CFAP161: variants seen among roughly 807,000 people sequenced by gnomAD.
CFAP161 encodes the protein cilia- and flagella-associated protein 161.
Under a neutral mutation model 29.0 loss-of-function variants are expected in CFAP161, and 25 were observed. The ratio of observed to expected loss-of-function variants is 0.86; its 90% CI spans 0.63 to 1.20. The LOEUF is 1.20. Among genes scored for constraint, CFAP161 ranks in the 50% most tolerant of loss-of-function variants. The pLI is 0.00. For missense variants in CFAP161, 367 were observed against 371.9 expected, an observed-to-expected ratio of 0.99 and a Z score of 0.11; for synonymous variants, 116 against 137.4, an observed-to-expected ratio of 0.84 and a Z score of 1.09.
rs146133797 is a variant in CFAP161, at chr15:81,106,882, A to G, written c.-141-20708A>G. Reference sequence around the variant, plus strand: ...GGAGTTCAAGACCAGCTTGAGCTACATAGCAAGACCCCATTTCTACAAAAT... The same window carrying G: ...GGAGTTCAAGACCAGCTTGAGCTACGTAGCAAGACCCCATTTCTACAAAAT... On this transcript the variant is annotated intron_variant, in intron 1 of 4. Coordinates refer to the CFAP161 transcript ENST00000560091. Among the ~76,000 whole-genome samples the G allele has an allele frequency of 5.2e-3, 792 of 152,230 alleles. 5 individuals are homozygous for G. Among genetic ancestry groups the G allele is most frequent in the African/African-American group, 0.018 (752 of 41,546 alleles).
At chr15:81,147,769 C>T in intron 5 of CFAP161, 89 bp from the exon 6 acceptor site, 18 of 784,424 alleles carry the variant, frequency 2.3e-5, no homozygotes, top group Admixed American at 3.0e-5. Context: ...TAGTATAATC[C>T]CAAATTTTTG....
exon 2 of CFAP161, chr15:81,127,615 A>G (rs1317850261): frequency 4.2e-5 from 6 of 144,272 alleles, no homozygotes; most frequent in African/African-American, 1.3e-4. Context: ...TCAGATCCCA[A>G]ATAGTATTTA....
chr15:81,103,165 A>G (rs1894322865), intron 1 of CFAP161, among the ~76,000 whole-genome samples: 1 of 152,216 alleles, frequency 6.6e-6, no homozygotes, highest in Non-Finnish European at 1.5e-5. Flanking sequence ...GTATTAACTC[A>G]TTAACTCATT....
chr15:81,123,844 G>A (rs115773523), intron 1 of CFAP161, among the ~76,000 whole-genome samples: 1,680 of 152,234 alleles, frequency 0.011, 31 homozygotes, highest in African/African-American at 0.038. Context: ...CAGGTTGACT[G>A]TTGTTGGTAT....
intron 5 of CFAP161, among the ~76,000 whole-genome samples, chr15:81,144,674 C>G (rs1339858894): frequency 6.6e-6 from 1 of 151,408 alleles, no homozygotes. Context: ...GTAGTCCCAG[C>G]TACTAGAGAG....
At chr15:81,100,058 C>G (rs574815276) in intron 1 of CFAP161, among the ~76,000 whole-genome samples, 13 of 151,950 alleles carry the variant, frequency 8.6e-5, no homozygotes, top group African/African-American at 2.4e-4. Flanking sequence ...TTTGCAAACA[C>G]TCAATAAGTG....
intron 1 of CFAP161, among the ~76,000 whole-genome samples, chr15:81,107,684 C>T (rs1448608870): frequency 2.6e-5 from 4 of 152,150 alleles, no homozygotes; most frequent in Non-Finnish European, 5.9e-5. Context: ...GAGATCATGC[C>T]ATTGCACTCC....
chr15:81,136,462 G>A, intron 2 of CFAP161, 54 bp from the exon 3 acceptor site: 1 of 1,525,662 alleles, frequency 6.6e-7, no homozygotes, highest in Non-Finnish European at 9.1e-7. Context: ...TGCCTTGGCA[G>A]TAACTGTTGA....
chr15:81,102,165 T>G (rs1429946813), intron 1 of CFAP161, among the ~76,000 whole-genome samples: 3 of 152,162 alleles, frequency 2.0e-5, no homozygotes. Context: ...AAATAGCAAT[T>G]GTGCTCAGAA....
chr15:81,121,305 C>T (rs1894569739), intron 1 of CFAP161, among the ~76,000 whole-genome samples: 1 of 152,040 alleles, frequency 6.6e-6, no homozygotes, highest in African/African-American at 2.4e-5. Flanking sequence ...TTTTCTTTTT[C>T]ATGTTCTTTA....
chr15:81,148,416 C>T lies in CFAP161; in HGVS notation c.789C>T (p.His263=). Residue 263 remains histidine (H), a synonymous_variant, in exon 7 of 7, where the codon CAC becomes CAT. Coordinates refer to ENST00000286732, the MANE Select transcript of CFAP161 (RefSeq NM_173528.4). Reference sequence around the variant, plus strand: ...ATAGAGTTGAGAAACCAAGGAACCACTGGATGTTGGTTACTGGGAATCCCA... The same window carrying T: ...ATAGAGTTGAGAAACCAAGGAACCATTGGATGTTGGTTACTGGGAATCCCA... ...DSHRVEKPRN[H]WMLVTGNPRD... 1 of 1,614,154 alleles carries T rather than the reference C, an allele frequency of 6.2e-7. No individual in the cohort carries two copies. Among genetic ancestry groups the T allele is most frequent in the Non-Finnish European group, 8.5e-7 (1 of 1,179,984 alleles).
chr15:81,127,541 G>A (rs1310839496), intron 1 of CFAP161: 3 of 152,106 alleles, frequency 2.0e-5, no homozygotes, highest in African/African-American at 7.2e-5. Flanking sequence ...AAGGCAAAAA[G>A]TCTTTTTTCA....
chr15:81,101,224 C>T (rs1894299574), intron 1 of CFAP161, among the ~76,000 whole-genome samples: 4 of 151,892 alleles, frequency 2.6e-5, no homozygotes, highest in African/African-American at 9.7e-5. Context: ...AAATATTTAC[C>T]CTTTGTTAAA....
chr15:81,113,191 T>G (rs527862013), intron 1 of CFAP161, among the ~76,000 whole-genome samples: 1 of 152,320 alleles, frequency 6.6e-6, no homozygotes, highest in African/African-American at 2.4e-5. Flanking sequence ...TAAGATTCAT[T>G]TGGGGAGTCA....
chr15:81,113,151 T>C (rs1894458865), intron 1 of CFAP161, among the ~76,000 whole-genome samples: 1 of 152,236 alleles, frequency 6.6e-6, no homozygotes, highest in South Asian at 2.1e-4. Flanking sequence ...AGTTGTGAGA[T>C]GATTCTTTAT....
chr15:81,136,504 T>C lies in CFAP161; in HGVS notation c.160-12T>C, dbSNP rs764418714. ...GCATGGTTTATGTAATAAACTACTATCAAAATTGTAGATGCAACTTTCCGT... is the reference window on the plus strand; with the variant it reads ...GCATGGTTTATGTAATAAACTACTACCAAAATTGTAGATGCAACTTTCCGT... On this transcript the variant is annotated splice_polypyrimidine_tract_variant and intron_variant, in intron 2 of 6. Transcript: ENST00000286732. 36 of 1,612,142 alleles carry C rather than the reference T, an allele frequency of 2.2e-5. No individual in the cohort carries two copies. The East Asian group carries it at 3.8e-4, about 17-fold the overall frequency.
At chr15:81,122,472 G>A (rs1894586088) in intron 1 of CFAP161, among the ~76,000 whole-genome samples, 1 of 148,580 alleles carries the variant, frequency 6.7e-6, no homozygotes, top group Non-Finnish European at 1.5e-5. Context: ...CAGTGATGTT[G>A]ATTTTTTTTT....
intron 1 of CFAP161, among the ~76,000 whole-genome samples, chr15:81,100,145 T>A (rs112989504): frequency 1.3e-5 from 2 of 151,950 alleles, no homozygotes; most frequent in African/African-American, 4.8e-5. Flanking sequence ...TTTGGTATAG[T>A]CTGGGACTTT....
intron 2 of CFAP161, among the ~76,000 whole-genome samples, chr15:81,129,139 G>T (rs2141873408): frequency 6.8e-6 from 1 of 147,994 alleles, no homozygotes; most frequent in African/African-American, 2.6e-5. Context: ...TATTTTGAAA[G>T]AAATCTTTTT....
Sources: allele counts gnomAD v4.1 joint callset (sites outside exome capture counted in the v4.1 genomes callset), GRCh38; gene constraint gnomAD v4.1.1; transcripts MANE v1.5; gene names NCBI Gene and HGNC (gene_info 2026-07-23, HGNC 2026-07-21).